Variants in MPRIP observed in about 807,000 individuals in gnomAD.
MPRIP encodes the protein myosin phosphatase Rho interacting protein.
Under a neutral mutation model 234.9 loss-of-function variants are expected in MPRIP, and 59 were observed. That is an observed-to-expected ratio of 0.25 (90% CI 0.20 to 0.31). The LOEUF (loss-of-function observed/expected upper bound fraction) is 0.31, where lower values mean the gene tolerates loss of function less well. MPRIP is among the 10% of genes least tolerant of loss of function. MPRIP has a pLI of 1.00. For missense variants in MPRIP, 2,436 were observed against 3,071.0 expected, an observed-to-expected ratio of 0.79 and a Z score of 4.89; for synonymous variants, 1,144 against 1,263.9, an observed-to-expected ratio of 0.91 and a Z score of 2.01.
chr17:17,149,727 A>G (rs1220336984), intron 11 of MPRIP: 1 of 104,268 alleles, frequency 9.6e-6, no homozygotes, highest in Non-Finnish European at 2.4e-5. Flanking sequence ...ATTTAAATGT[A>G]TAAAATATAT....
At chr17:17,096,858 AG>A (rs2089858845) in intron 3 of MPRIP, 2 of 454,252 alleles carry the variant, frequency 4.4e-6, no homozygotes, top group South Asian at 1.6e-5. Context: ...TGTGCCTCAG[AG>A]GGGCTCAGAG....
chr17:17,180,447 G>A (rs2046349099), intron 23 of MPRIP, among the ~76,000 whole-genome samples: 1 of 152,252 alleles, frequency 6.6e-6, no homozygotes, highest in African/African-American at 2.4e-5. Context: ...CCGCCTCCAA[G>A]AGATGATGCT....
At chr17:17,105,521 G>T (rs2090046651) in intron 3 of MPRIP, among the ~76,000 whole-genome samples, 1 of 152,252 alleles carries the variant, frequency 6.6e-6, no homozygotes, top group Non-Finnish European at 1.5e-5. Flanking sequence ...TGTTCACCTT[G>T]TCTTGGAGAC....
rs1169674605 is a variant in MPRIP at position 17,191,539 on chromosome 17, T to A, written c.*6645T>A. On this transcript the variant is annotated 3_prime_UTR_variant, in exon 24 of 24. Coordinates refer to ENST00000651222, the MANE Select transcript of MPRIP (RefSeq NM_001364716.4). ...ACTTAAGAATTGGAGACTCCAGTAA[T>A]GTAGGATGGCCTGAGAGGACGTCCA... 6.6e-6 allele frequency: 1 copy of A among 152,234 alleles called. No individual in the cohort carries two copies. The highest frequency in any genetic ancestry group is 2.1e-4 in the South Asian group (1 of 4,832). 9.4% of individuals were successfully genotyped at this position (152,234 alleles called of 1,614,324 possible).
rs533747946 is a variant in MPRIP at position 17,171,723 on chromosome 17, G to A, written c.6330G>A (p.Thr2110=). ...GTCCCTTTTGCATTTTGCAGGCCAC[G>A]TGCGAGCGAGGGTTTGCAGCAATGG... ...YQRDLESLKA[T]CERGFAAMEE... The change falls in exon 17 of 24, where the codon ACG becomes ACA. Residue 2110 remains threonine (T), a synonymous_variant. Transcript: ENST00000651222. 2.3e-5 allele frequency: 37 copies of A among 1,612,356 alleles called. No individual in the cohort carries two copies. In the South Asian group the frequency reaches 2.9e-4, roughly 12 times the overall value.
chr17:17,064,937 C>T (rs7223924), intron 1 of MPRIP, among the ~76,000 whole-genome samples: 19,366 of 152,146 alleles, frequency 0.13, 1,948 homozygotes, highest in African/African-American at 0.27. Context: ...GCCAAACTGT[C>T]TCACACCAGC....
At chr17:17,056,748 A>C (rs2088711092) in intron 1 of MPRIP, among the ~76,000 whole-genome samples, 1 of 152,158 alleles carries the variant, frequency 6.6e-6, no homozygotes, top group Admixed American at 6.5e-5. Context: ...TTGCTCCAAA[A>C]GAACCCCCCA....
intron 11 of MPRIP, among the ~76,000 whole-genome samples, chr17:17,148,681 G>A (rs2045531664): frequency 6.6e-6 from 1 of 152,198 alleles, no homozygotes; most frequent in African/African-American, 2.4e-5. Flanking sequence ...AAGGACTTGT[G>A]TGATTGAGTT....
intron 4 of MPRIP, among the ~76,000 whole-genome samples, chr17:17,127,413 A>C (rs1358513791): frequency 6.6e-6 from 1 of 152,250 alleles, no homozygotes; most frequent in East Asian, 1.9e-4. Context: ...TCACTCACCC[A>C]GGTCCCCTGA....
At chr17:17,182,079 A>G (rs886594473) in intron 23 of MPRIP, 10 of 152,288 alleles carry the variant, frequency 6.6e-5, no homozygotes, top group African/African-American at 2.4e-4. Flanking sequence ...GCAACAGGGC[A>G]GGATGGGGCC....
intron 1 of MPRIP, among the ~76,000 whole-genome samples, chr17:17,065,954 G>A (rs148972580): frequency 5.2e-4 from 79 of 152,166 alleles, no homozygotes; most frequent in African/African-American, 1.5e-3. Context: ...CCACGTGTCC[G>A]TTGCTAGCAT....
At chr17:17,136,158 G>A (rs1238773838) in intron 5 of MPRIP, 61 bp from the exon 6 acceptor site, 11 of 1,599,448 alleles carry the variant, frequency 6.9e-6, no homozygotes, top group Admixed American at 6.7e-5. Context: ...GCCAGGACCT[G>A]TGACCCAACC....
At chr17:17,093,640 A>G (rs1427036080) in intron 3 of MPRIP, among the ~76,000 whole-genome samples, 1 of 152,198 alleles carries the variant, frequency 6.6e-6, no homozygotes, top group Non-Finnish European at 1.5e-5. Context: ...TGTTTTTTCA[A>G]AATAGTGTAT....
intron 3 of MPRIP, among the ~76,000 whole-genome samples, chr17:17,091,100 A>C (rs879901801): frequency 2.5e-5 from 2 of 81,252 alleles, no homozygotes; most frequent in South Asian, 4.4e-4. Flanking sequence ...GCGGTTGGGG[A>C]GGGGGTGGGG....
Position 17,167,195 on chromosome 17 carries a change from G to A in MPRIP, c.5604G>A (p.Glu1868=). The A allele has an allele frequency of 7.7e-7, 1 of 1,304,114 alleles. No individual in the cohort carries two copies. The highest frequency in any genetic ancestry group is 1.2e-5 in the South Asian group (1 of 81,026). The allele number at this position is 1,304,114 out of a possible 1,614,324, so 80.8% of individuals were successfully genotyped here. Reference sequence around the variant, plus strand: ...AGAAGGAGCTCCAGCTCTGCAAGGAGTCCTGGCAAACCCGGGAGCCCTCCT... The same window carrying A: ...AGAAGGAGCTCCAGCTCTGCAAGGAATCCTGGCAAACCCGGGAGCCCTCCT... The part of the protein sequence containing the change: ...EYEKELQLCK[E]SWQTREPSCS... The change falls in exon 16 of 24, where the codon GAG becomes GAA. Residue 1868 remains glutamate, a synonymous_variant. Coordinates refer to ENST00000651222, the MANE Select transcript of MPRIP (RefSeq NM_001364716.4). This position sits in a 1 kb window ranked among gnomAD's most constrained non-coding sequence, Gnocchi z 5.9.
chr17:17,172,978 A>C (rs772204169), intron 18 of MPRIP, among the ~76,000 whole-genome samples, 163 bp downstream of exon 18: 20 of 152,256 alleles, frequency 1.3e-4, no homozygotes, highest in Admixed American at 4.6e-4. Context: ...CCAGTGCAGG[A>C]TATGGCCCAA....
intron 3 of MPRIP, among the ~76,000 whole-genome samples, chr17:17,109,662 C>A (rs545862967): frequency 2.6e-5 from 4 of 152,162 alleles, no homozygotes; most frequent in Non-Finnish European, 4.4e-5. Flanking sequence ...GTGAGACCCG[C>A]GAAACAATGA....
At chr17:17,184,710 C>G (rs1168491235) in intron 23 of MPRIP, 113 bp from the exon 24 acceptor site, 5 of 736,956 alleles carry the variant, frequency 6.8e-6, no homozygotes, top group Admixed American at 6.0e-5. Context: ...GCACCTGCAC[C>G]CGGCTCTCTG....
intron 23 of MPRIP, among the ~76,000 whole-genome samples, chr17:17,180,337 C>T (rs2046346656): frequency 6.6e-6 from 1 of 152,270 alleles, no homozygotes; most frequent in Admixed American, 6.5e-5. Context: ...GCATGATCAG[C>T]TCCTGCCTCG....
Sources: gnomAD v4.1 joint callset for allele counts (sites outside exome capture counted in the v4.1 genomes callset) on GRCh38, gnomAD v4.1.1 for gene constraint, Gnocchi (gnomAD v3.1) non-coding constraint, MANE v1.5 for transcripts, NCBI Gene and HGNC (gene_info 2026-07-23, HGNC 2026-07-21) for gene names.